The following DEPDC5 variants were observed in gnomAD, a reference collection of about 807,000 sequenced individuals.
DEPDC5 encodes GATOR1 complex protein DEPDC5.
DEPDC5 carries 73 observed loss-of-function variants against 217.3 expected under a neutral mutation model. That is an observed-to-expected ratio of 0.34 (90% CI 0.28 to 0.41). The LOEUF (loss-of-function observed/expected upper bound fraction) is 0.41. Ranked by LOEUF, DEPDC5 falls within the 10% of genes least tolerant of loss-of-function variation. The probability of loss-of-function intolerance (pLI) is 1.00; values close to 1 mark genes in which losing one functional copy is unlikely to be tolerated. For missense variants in DEPDC5, 1,675 were observed against 2,070.1 expected (o/e 0.81, Z 3.70); for synonymous variants, 733 against 756.7 (o/e 0.97, Z 0.51).
intron 23 of DEPDC5, 68 bp downstream of exon 23, chr22:31,821,705 G>A: frequency 1.5e-5 from 24 of 1,571,350 alleles, no homozygotes; most frequent in South Asian, 8.0e-5. Flanking sequence ...ACAATGTGCA[G>A]AACAGACTAT....
At chr22:31,862,445 A>C (rs1261221130) in intron 33 of DEPDC5, among the ~76,000 whole-genome samples, 11 of 151,968 alleles carry the variant, frequency 7.2e-5, no homozygotes, top group Non-Finnish European at 1.5e-5. Context: ...CATGCTGGTA[A>C]TCCCAGCTAC....
At chr22:31,897,713 A>T (rs900358943) in intron 40 of DEPDC5, 60 bp downstream of exon 40, 3 of 1,581,026 alleles carry the variant, frequency 1.9e-6, no homozygotes, top group Non-Finnish European at 2.6e-6. Flanking sequence ...CCTAACAAGG[A>T]CACCACTCTG....
At chr22:31,758,657 G>C in intron 3 of DEPDC5, 24 bp downstream of exon 3, 2 of 1,601,866 alleles carry the variant, frequency 1.2e-6, no homozygotes, top group Non-Finnish European at 1.7e-6. Flanking sequence ...AGGATCCATG[G>C]AACTGGGCAA....
intron 40 of DEPDC5, among the ~76,000 whole-genome samples, chr22:31,900,000 T>C (rs112000030): frequency 0.014 from 2,186 of 152,334 alleles, 19 homozygotes; most frequent in Middle Eastern, 0.031. Flanking sequence ...TTATCTTTTC[T>C]GCTCTCCTCC....
intron 21 of DEPDC5, chr22:31,817,150 C>G (rs1486349357): frequency 6.4e-6 from 1 of 156,874 alleles, no homozygotes; most frequent in African/African-American, 2.4e-5. Context: ...ACTCTTGTCC[C>G]CCAGGCTGGA....
chr22:31,897,683 T>C (rs1352683059), intron 40 of DEPDC5, 30 bp downstream of exon 40: 1 of 1,609,888 alleles, frequency 6.2e-7, no homozygotes, highest in Non-Finnish European at 8.5e-7. Flanking sequence ...GGAGGTTGTC[T>C]CAACCAGTAA....
chr22:31,875,624 G>T (rs2095007177), intron 36 of DEPDC5: 2 of 140,176 alleles, frequency 1.4e-5, no homozygotes, highest in Admixed American at 1.4e-4. Context: ...GGCATATGTG[G>T]ATTTTTTTTT....
chr22:31,828,159 A>G (rs2090298008), intron 24 of DEPDC5, among the ~76,000 whole-genome samples: 1 of 152,210 alleles, frequency 6.6e-6, no homozygotes. Flanking sequence ...AGCTTAAAAC[A>G]GTTCCTGGTG....
At chr22:31,757,966 G>T (rs749865879) in intron 2 of DEPDC5, among the ~76,000 whole-genome samples, 45 of 152,180 alleles carry the variant, frequency 3.0e-4, no homozygotes, top group Non-Finnish European at 5.4e-4. Flanking sequence ...GTTTCGCCAT[G>T]TTCGCCAGGC....
chr22:31,774,262 CG>C (rs1388656688), intron 7 of DEPDC5, among the ~76,000 whole-genome samples: 1 of 149,210 alleles, frequency 6.7e-6, no homozygotes, highest in Non-Finnish European at 1.5e-5. Context: ...AGTGCAGTGG[CG>C]TGATCTTGGC....
chr22:31,780,583 C>G (rs552059100), intron 8 of DEPDC5, among the ~76,000 whole-genome samples: 23 of 152,134 alleles, frequency 1.5e-4, no homozygotes, highest in African/African-American at 4.6e-4. Flanking sequence ...ACATGCTGCC[C>G]TCTGTATCCT....
chr22:31,822,440 A>T (rs1445747468), intron 23 of DEPDC5, among the ~76,000 whole-genome samples: 1 of 152,136 alleles, frequency 6.6e-6, no homozygotes, highest in Non-Finnish European at 1.5e-5. Flanking sequence ...TAGGGCAGAC[A>T]GGGCGGGTGG....
At chr22:31,825,101 C>T (rs1377439742) in intron 24 of DEPDC5, among the ~76,000 whole-genome samples, 3 of 151,978 alleles carry the variant, frequency 2.0e-5, no homozygotes, top group Non-Finnish European at 4.4e-5. Context: ...AGAGTTGCGC[C>T]GAGGAGGGCT....
chr22:31,858,349 GAA>G (rs1453256185), intron 32 of DEPDC5: 2 of 114,434 alleles, frequency 1.7e-5, no homozygotes, highest in African/African-American at 4.1e-5. Flanking sequence ...GTACAATAAA[GAA>G]GCCAAAAACT....
At chr22:31,898,263 A>G (rs1027598762) in intron 40 of DEPDC5, among the ~76,000 whole-genome samples, 7 of 152,066 alleles carry the variant, frequency 4.6e-5, no homozygotes, top group African/African-American at 1.7e-4. Flanking sequence ...GAGAGTACCC[A>G]GGGTCAGCCT....
intron 29 of DEPDC5, 107 bp from the exon 30 acceptor site, chr22:31,844,911 C>A: frequency 5.3e-6 from 6 of 1,126,786 alleles, no homozygotes; most frequent in Non-Finnish European, 7.9e-6. Flanking sequence ...AGCACATACT[C>A]ATGGGGAGAT....
intron 7 of DEPDC5, 44 bp downstream of exon 7, chr22:31,768,907 C>G: frequency 6.2e-7 from 1 of 1,606,108 alleles, no homozygotes; most frequent in Non-Finnish European, 8.5e-7. Flanking sequence ...AGTAACTGGG[C>G]TACATAAAGC....
intron 24 of DEPDC5, 107 bp downstream of exon 24, chr22:31,822,897 C>G (rs2089833566): frequency 1.7e-6 from 2 of 1,169,518 alleles, no homozygotes; most frequent in Admixed American, 4.2e-5. Flanking sequence ...GAGATCATTT[C>G]AGCCACACTT....
intron 39 of DEPDC5, among the ~76,000 whole-genome samples, chr22:31,896,344 G>T (rs973228868): frequency 3.9e-5 from 6 of 152,176 alleles, no homozygotes; most frequent in African/African-American, 1.4e-4. Context: ...GTCAAACAGA[G>T]ATCTCGGCTT....
Sources: gnomAD v4.1 joint callset for allele counts (sites outside exome capture counted in the v4.1 genomes callset) on GRCh38, gnomAD v4.1.1 for gene constraint, MANE v1.5 for transcripts, NCBI Gene and HGNC (gene_info 2026-07-23, HGNC 2026-07-21) for gene names.